KCNMA1: variants seen among roughly 807,000 people sequenced by gnomAD.
The protein encoded by KCNMA1 is potassium calcium-activated channel subfamily M alpha 1.
A neutral mutation model predicts 140.0 loss-of-function variants in KCNMA1; 29 were observed. The ratio of observed to expected loss-of-function variants is 0.21; its 90% CI spans 0.15 to 0.28. The LOEUF is 0.28. Among genes scored for constraint, KCNMA1 ranks in the 10% least tolerant of loss-of-function variants. The pLI, the probability that KCNMA1 is intolerant of heterozygous loss-of-function variation, is 1.00. For missense variants in KCNMA1, 880 were observed against 1,602.2 expected (o/e 0.55, Z 7.70); for synonymous variants, 612 against 611.9 (o/e 1.00, Z 0.00).
At chr10:77,091,892 T>C (rs2096827519) in intron 9 of KCNMA1, 1 of 152,240 alleles carries the variant, frequency 6.6e-6, no homozygotes, top group South Asian at 2.1e-4. Flanking sequence ...AATAATGCAG[T>C]AAACTCATTG....
intron 5 of KCNMA1, among the ~76,000 whole-genome samples, chr10:77,153,409 T>C (rs1372394730): frequency 6.6e-6 from 1 of 152,178 alleles, no homozygotes; most frequent in African/African-American, 2.4e-5. Context: ...TCTGGCCCTA[T>C]TGCCCAGGCT....
At chr10:77,465,031 A>T (rs892188554) in intron 1 of KCNMA1, among the ~76,000 whole-genome samples, 2 of 152,216 alleles carry the variant, frequency 1.3e-5, no homozygotes, top group Non-Finnish European at 1.5e-5. Flanking sequence ...CTAAAACAAA[A>T]ATAGATGAGA....
At chr10:77,346,552 C>T (rs1334047586) in intron 2 of KCNMA1, among the ~76,000 whole-genome samples, 1 of 152,164 alleles carries the variant, frequency 6.6e-6, no homozygotes, top group African/African-American at 2.4e-5. Flanking sequence ...CTCTCATTTT[C>T]CTGTAATACA....
intron 1 of KCNMA1, among the ~76,000 whole-genome samples, chr10:77,519,767 C>G (rs1230228628): frequency 1.3e-5 from 2 of 152,156 alleles, no homozygotes; most frequent in Non-Finnish European, 2.9e-5. Context: ...AAAAAATTTT[C>G]AAAGGTTCAA....
downstream of KCNMA1, among the ~76,000 whole-genome samples, chr10:76,883,815 C>T (rs1201844554): frequency 1.4e-5 from 2 of 140,406 alleles, no homozygotes; most frequent in African/African-American, 5.3e-5. Context: ...AGCAGATGTT[C>T]TACTGAAAGA....
At chr10:77,276,512 T>A (rs2066725399) in intron 2 of KCNMA1, among the ~76,000 whole-genome samples, 1 of 152,216 alleles carries the variant, frequency 6.6e-6, no homozygotes, top group South Asian at 2.1e-4. Flanking sequence ...AACCCTCTGG[T>A]ATTCAACTTC....
chr10:77,552,223 GC>G (rs1240650389), intron 1 of KCNMA1, among the ~76,000 whole-genome samples: 2 of 152,164 alleles, frequency 1.3e-5, no homozygotes, highest in African/African-American at 2.4e-5. Flanking sequence ...GGCCGTGGCT[GC>G]CTGACTGACT....
chr10:77,177,485 A>T (rs2154113959), intron 5 of KCNMA1, among the ~76,000 whole-genome samples: 9 of 98,986 alleles, frequency 9.1e-5, no homozygotes, highest in Admixed American at 2.3e-4. Flanking sequence ...TCTCTTTCTG[A>T]CTTTCTTTCT....
At chr10:77,134,757 G>C (rs2097949675) in intron 5 of KCNMA1, among the ~76,000 whole-genome samples, 1 of 151,990 alleles carries the variant, frequency 6.6e-6, no homozygotes, top group Non-Finnish European at 1.5e-5. Flanking sequence ...CCAGCACTTT[G>C]GGAGGCCAAG....
chr10:76,941,865 G>T (rs1307048130), intron 23 of KCNMA1, among the ~76,000 whole-genome samples: 1 of 152,208 alleles, frequency 6.6e-6, no homozygotes, highest in Non-Finnish European at 1.5e-5. Flanking sequence ...AGGTCAAGGC[G>T]CTGGCATGTT....
intron 12 of KCNMA1, among the ~76,000 whole-genome samples, chr10:77,080,689 C>G (rs1488594620): frequency 6.6e-6 from 1 of 152,130 alleles, no homozygotes; most frequent in Admixed American, 6.5e-5. Flanking sequence ...GGGCTGCCAG[C>G]TTATTGCCTA....
At chr10:77,199,554 TAGTGGCC>T (rs2041797807) in intron 3 of KCNMA1, among the ~76,000 whole-genome samples, 1 of 152,214 alleles carries the variant, frequency 6.6e-6, no homozygotes. Context: ...ACTGCTTTGT[TAGTGGCC>T]AGCACATGAT....
intron 2 of KCNMA1, among the ~76,000 whole-genome samples, chr10:77,298,587 T>C (rs1222271523): frequency 1.4e-5 from 2 of 146,954 alleles, no homozygotes; most frequent in Non-Finnish European, 3.0e-5. Flanking sequence ...TGCAGATCTA[T>C]GGTGATAAGG....
In KCNMA1 at chr10:76,885,808, A is replaced by G. The variant is rs1236420023; in HGVS notation, c.*1458T>C. 1.0e-6 allele frequency: 1 copy of G among 984,904 alleles called. No individual in the cohort carries two copies. The highest frequency in any genetic ancestry group is 1.2e-6 in the Non-Finnish European group (1 of 829,622). The allele number at this position is 984,904 out of a possible 1,614,324, so 61.0% of individuals were successfully genotyped here. On this transcript the variant is annotated 3_prime_UTR_variant, in exon 28 of 28. Transcript: ENST00000286628. ...TATGTTGAAAAAAGGGTATTTTTCT[A>G]CCTCTCCTCTCATGCTTACTAAGTG...
At chr10:77,171,396 TGTGC>T (rs751968365) in intron 5 of KCNMA1, among the ~76,000 whole-genome samples, 6,943 of 71,530 alleles carry the variant, frequency 0.097, 201 homozygotes, top group Middle Eastern at 0.16. Flanking sequence ...CGTGTGTGTG[TGTGC>T]GTGTGTGTGT....
chr10:77,447,406 A>G (rs1031007245), intron 1 of KCNMA1, among the ~76,000 whole-genome samples: 11 of 152,202 alleles, frequency 7.2e-5, no homozygotes, highest in African/African-American at 2.7e-4. Context: ...AATTCAATCA[A>G]TGGTCATTAT....
In KCNMA1 at chr10:77,583,210, C is replaced by T. The variant is rs553121106; in HGVS notation, c.378+54055G>A. ...GAACCTTGCTTCTGCTCCTTGGACTCCCAGGTTGGGCTTCTTCCTGGTCAG... is the reference window on the plus strand; with the variant it reads ...GAACCTTGCTTCTGCTCCTTGGACTTCCAGGTTGGGCTTCTTCCTGGTCAG... On this transcript the variant is annotated intron_variant, in intron 1 of 27. Transcript: ENST00000286628. Among the ~76,000 whole-genome samples the T allele has an allele frequency of 1.5e-3, 223 of 152,324 alleles. 1 individual carries two copies. The highest frequency in any genetic ancestry group is 2.6e-3 in the Non-Finnish European group (180 of 68,024).
intron 19 of KCNMA1, chr10:76,995,388 C>A: frequency 2.7e-6 from 1 of 369,780 alleles, no homozygotes; most frequent in Non-Finnish European, 5.6e-6. Flanking sequence ...TGGGTCTAAT[C>A]GAGGCTCCTG....
At chr10:77,201,382 A>G (rs1460183514) in intron 3 of KCNMA1, among the ~76,000 whole-genome samples, 1 of 152,198 alleles carries the variant, frequency 6.6e-6, no homozygotes, top group Non-Finnish European at 1.5e-5. Flanking sequence ...AAATGCTAAC[A>G]CAGGGAAAAA....
Sources: allele counts gnomAD v4.1 joint callset (sites outside exome capture counted in the v4.1 genomes callset), GRCh38; gene constraint gnomAD v4.1.1; transcripts MANE v1.5; gene names NCBI Gene and HGNC (gene_info 2026-07-23, HGNC 2026-07-21).